SUSD4: variants seen among roughly 807,000 people sequenced by gnomAD.
SUSD4 encodes sushi domain containing 4, also known as sushi domain-containing protein 4.
In SUSD4, 41 loss-of-function variants were observed where a neutral mutation model predicts 50.5. The ratio of observed to expected loss-of-function variants is 0.81; its 90% CI spans 0.63 to 1.05. The LOEUF (loss-of-function observed/expected upper bound fraction) is 1.05. Among genes scored for constraint, SUSD4 ranks in the 50% least tolerant of loss-of-function variants. The pLI is 0.00. For synonymous variants in SUSD4, 257 were observed against 257.3 expected, an observed-to-expected ratio of 1.00 and a Z score of 0.01; for missense variants, 580 against 634.7, an observed-to-expected ratio of 0.91 and a Z score of 0.93.
chr1:223,238,529 T>C (rs1306576140), intron 5 of SUSD4, among the ~76,000 whole-genome samples: 2 of 152,020 alleles, frequency 1.3e-5, no homozygotes, highest in African/African-American at 4.8e-5. Context: ...CCCACAAATG[T>C]TGACAAGTTG....
chr1:223,227,299 G>C lies in SUSD4; in HGVS notation c.1061+295C>G, dbSNP rs1659582002. Among the ~76,000 whole-genome samples the C allele has an allele frequency of 6.6e-6, 1 of 152,082 alleles. No individual in the cohort carries two copies. The highest frequency in any genetic ancestry group is 2.1e-4 in the South Asian group (1 of 4,826). On this transcript the variant is annotated intron_variant, in intron 7 of 8. Transcript: ENST00000366878. The surrounding 1 kb of genome is among the most constrained non-coding windows in gnomAD (Gnocchi z 4.5). The stretch of plus-strand genomic sequence containing the variant: ...GACCACAGTGGGAATGGTGCCTCTG[G>C]GTGGAGCAGTCCACAGCCTGTAGCC...
chr1:223,350,018 AC>A (rs1668268925), intron 2 of SUSD4, among the ~76,000 whole-genome samples: 1 of 152,130 alleles, frequency 6.6e-6, no homozygotes, highest in African/African-American at 2.4e-5. Flanking sequence ...CCACCCCTGC[AC>A]CCACACCAAG....
At chr1:223,252,041 G>C (rs1435104816) in intron 5 of SUSD4, among the ~76,000 whole-genome samples, 1 of 136,566 alleles carries the variant, frequency 7.3e-6, no homozygotes. Flanking sequence ...GACACAGGAA[G>C]GGGAACATCA....
intron 2 of SUSD4, among the ~76,000 whole-genome samples, chr1:223,336,979 C>A (rs192131302): frequency 2.0e-4 from 30 of 152,270 alleles, no homozygotes; most frequent in African/African-American, 6.7e-4. Flanking sequence ...AAGGACACCA[C>A]CACCAGCTTT....
intron 3 of SUSD4, among the ~76,000 whole-genome samples, chr1:223,279,355 A>AGG (rs1663521545): frequency 6.6e-6 from 1 of 152,322 alleles, no homozygotes; most frequent in Non-Finnish European, 1.5e-5. Context: ...AACTAGAATA[A>AGG]CCAGTGTAGA....
chr1:223,271,483 G>A (rs970724911), intron 3 of SUSD4, among the ~76,000 whole-genome samples: 16 of 152,176 alleles, frequency 1.1e-4, no homozygotes, highest in African/African-American at 2.7e-4. Flanking sequence ...TGAAAGAAGA[G>A]TCACCATAGG....
At chr1:223,347,286 C>G (rs1451181432) in intron 2 of SUSD4, among the ~76,000 whole-genome samples, 1 of 152,146 alleles carries the variant, frequency 6.6e-6, no homozygotes, top group Non-Finnish European at 1.5e-5. Flanking sequence ...CTATAAAATA[C>G]TAGGTCTCAT....
At chr1:223,300,584 T>A (rs1036785566) in intron 2 of SUSD4, among the ~76,000 whole-genome samples, 2 of 151,662 alleles carry the variant, frequency 1.3e-5, no homozygotes, top group Admixed American at 1.3e-4. Context: ...TGTAGCCAAA[T>A]CAATTTAGAA....
intron 2 of SUSD4, among the ~76,000 whole-genome samples, chr1:223,304,840 A>G (rs1665432137): frequency 1.2e-5 from 1 of 83,084 alleles, no homozygotes; most frequent in Non-Finnish European, 2.5e-5. Flanking sequence ...ATATATATAT[A>G]TATATATATA....
chr1:223,358,210 T>G (rs1668773346), intron 2 of SUSD4, among the ~76,000 whole-genome samples: 1 of 152,194 alleles, frequency 6.6e-6, no homozygotes, highest in Non-Finnish European at 1.5e-5. Context: ...TCCCCTTAAC[T>G]GTGTATCCCC....
Position 223,268,497 on chromosome 1 carries a change from C to A in SUSD4, c.535+5G>T, listed in dbSNP as rs754568934. ...CAGCTGAGAACTGAAGCATCAGTCC[C>A]GTACCTTGACAGATGGGCAGATTAT... On this transcript the variant is annotated splice_donor_5th_base_variant and intron_variant, in intron 4 of 8. Transcript: ENST00000366878. 6.2e-7 allele frequency: 1 copy of A among 1,611,428 alleles called. No individual in the cohort carries two copies. Among genetic ancestry groups the A allele is most frequent in the Non-Finnish European group, 8.5e-7 (1 of 1,178,782 alleles).
chr1:223,241,893 A>C (rs2103023672), intron 5 of SUSD4, among the ~76,000 whole-genome samples: 1 of 152,318 alleles, frequency 6.6e-6, no homozygotes, highest in South Asian at 2.1e-4. Flanking sequence ...TGGGGAAGAC[A>C]ATCCTACCAC....
intron 5 of SUSD4, among the ~76,000 whole-genome samples, chr1:223,255,466 TCACGC>T (rs1427303018): frequency 6.6e-6 from 1 of 152,184 alleles, no homozygotes; most frequent in East Asian, 1.9e-4. Flanking sequence ...TTTTCATATT[TCACGC>T]CAGCAAACTC....
chr1:223,334,578 G>A (rs1261307613), intron 2 of SUSD4, among the ~76,000 whole-genome samples: 1 of 152,186 alleles, frequency 6.6e-6, no homozygotes, highest in East Asian at 1.9e-4. Flanking sequence ...AATCTGGGGA[G>A]AGGCTGGGTC....
chr1:223,331,668 ACT>A (rs1426830446), intron 2 of SUSD4, among the ~76,000 whole-genome samples: 3 of 152,242 alleles, frequency 2.0e-5, no homozygotes, highest in African/African-American at 7.2e-5. Context: ...TGCCTGACAA[ACT>A]CACACATTTT....
At chr1:223,314,326 C>T (rs557458558) in intron 2 of SUSD4, among the ~76,000 whole-genome samples, 1 of 152,170 alleles carries the variant, frequency 6.6e-6, no homozygotes, top group Admixed American at 6.5e-5. Context: ...ATTCAGTGAG[C>T]GGAAATCTGA....
intron 5 of SUSD4, among the ~76,000 whole-genome samples, chr1:223,261,828 T>G (rs1328488659): frequency 6.6e-6 from 1 of 152,226 alleles, no homozygotes; most frequent in Non-Finnish European, 1.5e-5. Flanking sequence ...GACAAGTGAT[T>G]GACCACATAC....
chr1:223,326,480 AC>A lies in SUSD4; in HGVS notation c.149-33830del, dbSNP rs200008113. On this transcript the variant is annotated intron_variant, in intron 2 of 8. Transcript: ENST00000366878. ...GACCCCAAAAGCAAATGCAACAAAA[AC>A]AAAAATAAATAAATGGGACTTAATT... 4.9e-3 allele frequency among the ~76,000 whole-genome samples: 745 copies of A among 152,248 alleles called. 7 individuals carry two copies. The highest frequency in any genetic ancestry group is 5.6e-3 in the Non-Finnish European group (380 of 67,998).
intron 2 of SUSD4, among the ~76,000 whole-genome samples, chr1:223,362,573 C>G (rs1669045893): frequency 2.6e-5 from 4 of 152,130 alleles, no homozygotes. Context: ...TAGCCGCCCA[C>G]GGAGGCTGAG....
Sources: allele counts gnomAD v4.1 joint callset (sites outside exome capture counted in the v4.1 genomes callset), GRCh38; gene constraint gnomAD v4.1.1; non-coding constraint Gnocchi (gnomAD v3.1); transcripts MANE v1.5; gene names NCBI Gene and HGNC (gene_info 2026-07-23, HGNC 2026-07-21).